Variants in PGBD2 observed in about 807,000 individuals in gnomAD.
The protein encoded by PGBD2 is piggyBac transposable element derived 2, also known as piggyBac transposable element-derived protein 2.
In PGBD2, 6 loss-of-function variants were observed where a neutral mutation model predicts 8.1. That is an observed-to-expected ratio of 0.74 (90% CI 0.40 to 1.46). PGBD2 has a LOEUF of 1.46. Among genes scored for constraint, PGBD2 ranks in the 40% most tolerant of loss-of-function variants. PGBD2 has a pLI of 0.02. For missense variants in PGBD2, 802 were observed against 739.0 expected, an observed-to-expected ratio of 1.09 and a Z score of -0.99; for synonymous variants, 318 against 272.2, an observed-to-expected ratio of 1.17 and a Z score of -1.66.
the PGBD2 span, among the ~76,000 whole-genome samples, chr1:248,896,643 TAGAG>T: frequency 6.6e-6 from 1 of 152,082 alleles, no homozygotes; most frequent in African/African-American, 2.4e-5. Context: ...AAAAAACTTT[TAGAG>T]GGAAGGGACA....
the PGBD2 span, among the ~76,000 whole-genome samples, chr1:248,928,888 G>A: frequency 6.6e-6 from 1 of 152,270 alleles, no homozygotes; most frequent in East Asian, 1.9e-4. Flanking sequence ...ATACAAAGAT[G>A]AGGCAAAGCC....
At chr1:248,905,520 G>A (rs1256425388), upstream of PGBD2, among the ~76,000 whole-genome samples, 1 of 152,146 alleles carries the variant, frequency 6.6e-6, no homozygotes, top group Non-Finnish European at 1.5e-5. Flanking sequence ...GCATTTAGTT[G>A]CTAGGGATGC....
intron 1 of PGBD2, among the ~76,000 whole-genome samples, chr1:248,910,949 C>T (rs1357397767): frequency 6.6e-6 from 1 of 152,074 alleles, no homozygotes; most frequent in Non-Finnish European, 1.5e-5. Context: ...CACCGTGAAA[C>T]CACCACCACA....
chr1:248,903,148 C>A (rs1661563470), upstream of PGBD2, among the ~76,000 whole-genome samples: 1 of 152,002 alleles, frequency 6.6e-6, no homozygotes, highest in Admixed American at 6.6e-5. Flanking sequence ...CAGACATGAA[C>A]CATTGCTCCT....
At chr1:248,894,078 C>A in the PGBD2 span, among the ~76,000 whole-genome samples, 2 of 152,188 alleles carry the variant, frequency 1.3e-5, no homozygotes, top group South Asian at 2.1e-4. Context: ...TACTCAGGTC[C>A]TTTGCTCATT....
At chr1:248,887,835 G>T in the PGBD2 span, among the ~76,000 whole-genome samples, 8 of 152,174 alleles carry the variant, frequency 5.3e-5, no homozygotes, top group East Asian at 1.2e-3. Flanking sequence ...CTGAGCTTTG[G>T]GCTTCTGTTG....
In PGBD2 at chr1:248,907,211, AC is replaced by A. The variant is rs368263500; in HGVS notation, c.-48+870del. ...TTATGTCATAAGTTCAAGTGGAGGT[AC>A]TATGCCTGGATGTGCACGTAGGCCA... is the stretch of plus-strand genomic sequence containing the variant. On this transcript the variant is annotated intron_variant, in intron 1 of 2. Coordinates refer to ENST00000329291, the MANE Select transcript of PGBD2 (RefSeq NM_170725.3). Among the ~76,000 whole-genome samples, 138 of 152,360 alleles carry A rather than the reference AC, an allele frequency of 9.1e-4. 1 individual carries two copies. The East Asian group carries it at 0.017, about 18-fold the overall frequency.
At chr1:248,873,616 G>A in the PGBD2 span, among the ~76,000 whole-genome samples, 1 of 152,224 alleles carries the variant, frequency 6.6e-6, no homozygotes, top group South Asian at 2.1e-4. Context: ...GCCAGGCGCT[G>A]GCACACGGTC....
the PGBD2 span, among the ~76,000 whole-genome samples, chr1:248,889,958 G>T: frequency 1.4e-5 from 2 of 138,070 alleles, no homozygotes; most frequent in African/African-American, 2.8e-5. Context: ...ACGGAGTTTC[G>T]CTCTTGTTGC....
At chr1:248,886,566 G>T in the PGBD2 span, among the ~76,000 whole-genome samples, 28 of 152,200 alleles carry the variant, frequency 1.8e-4, no homozygotes, top group South Asian at 5.8e-3. Flanking sequence ...AAAAGGTGGG[G>T]GTTGGGGAAT....
intron 1 of PGBD2, among the ~76,000 whole-genome samples, chr1:248,910,708 C>T (rs1661840784): frequency 6.6e-6 from 1 of 152,154 alleles, no homozygotes; most frequent in South Asian, 2.1e-4. Flanking sequence ...GAGCTGGAGC[C>T]CCACAGACAT....
At chr1:248,924,546 A>T (rs987817277), downstream of PGBD2, among the ~76,000 whole-genome samples, 11 of 152,258 alleles carry the variant, frequency 7.2e-5, no homozygotes, top group African/African-American at 2.2e-4. Context: ...TGACATTCAC[A>T]TATCAAAAGA....
the PGBD2 span, among the ~76,000 whole-genome samples, chr1:248,873,791 C>G: frequency 6.6e-6 from 1 of 152,202 alleles, no homozygotes; most frequent in South Asian, 2.1e-4. Context: ...TCGGGTGTGA[C>G]GCGGCAGGCT....
chr1:248,878,669 A>T, the PGBD2 span, among the ~76,000 whole-genome samples: 1 of 152,154 alleles, frequency 6.6e-6, no homozygotes, highest in Non-Finnish European at 1.5e-5. Flanking sequence ...CTGCACTGGG[A>T]TTATAAGGTA....
Position 248,917,771 on chromosome 1 carries a change from G to A in PGBD2, c.1187G>A (p.Gly396Asp). 1 of 1,614,170 alleles carries A rather than the reference G, an allele frequency of 6.2e-7. No individual in the cohort carries two copies. The highest frequency in any genetic ancestry group is 8.5e-7 in the Non-Finnish European group (1 of 1,180,022). The change falls in exon 3 of 3, where the codon GGT (glycine) becomes GAT (aspartate). Residue 396 changes from glycine (G) to aspartate (D), a missense_variant. Transcript: ENST00000329291. ...DPKELKKMKRGSFDYKVDESE... is the reference protein window; with the variant it reads ...DPKELKKMKRDSFDYKVDESE... ...AAAGAACTGAAAAAAATGAAGAGGG[G>A]TTCATTTGATTACAAAGTCGATGAG...
At chr1:248,873,783 G>T in the PGBD2 span, among the ~76,000 whole-genome samples, 2 of 152,198 alleles carry the variant, frequency 1.3e-5, no homozygotes, top group South Asian at 4.1e-4. Flanking sequence ...GCCGCAACTC[G>T]GGTGTGACGC....
chr1:248,920,079 G>C (rs1206961295), downstream of PGBD2: 1 of 151,812 alleles, frequency 6.6e-6, no homozygotes, highest in East Asian at 1.9e-4. Flanking sequence ...GTTTCACCAT[G>C]TTGGCCAGGC....
chr1:248,907,021 G>A (rs1212917051), intron 1 of PGBD2, among the ~76,000 whole-genome samples: 1 of 152,072 alleles, frequency 6.6e-6, no homozygotes, highest in African/African-American at 2.4e-5. Context: ...AAACCACAGT[G>A]GGCCCAGGGG....
rs1405897967 is a variant in PGBD2, at chr1:248,918,220, C to T, written c.1636C>T (p.Arg546Cys). The T allele has an allele frequency of 7.4e-6, 12 of 1,614,108 alleles. No homozygotes were observed. Among genetic ancestry groups the T allele is most frequent in the Middle Eastern group, 1.6e-4 (1 of 6,062 alleles). ...AAGCAGGCGGTTGGAGACTGAGAGCCGCTTCGATATGATTGGGCACTGGAT... is the reference window on the plus strand; with the variant it reads ...AAGCAGGCGGTTGGAGACTGAGAGCTGCTTCGATATGATTGGGCACTGGAT... ...RRSRRLETES[R>C]FDMIGHWIIH... The change falls in exon 3 of 3, where the codon CGC becomes TGC. Residue 546 changes from arginine (R) to cysteine (C), a missense_variant. Physicochemically the swap from Arg to Cys is radical, Grantham distance 180 (BLOSUM62 -3). Coordinates refer to ENST00000329291, the MANE Select transcript of PGBD2 (RefSeq NM_170725.3).
Sources: allele counts gnomAD v4.1 joint callset (sites outside exome capture counted in the v4.1 genomes callset), GRCh38; gene constraint gnomAD v4.1.1; transcripts MANE v1.5; gene names NCBI Gene and HGNC (gene_info 2026-07-23, HGNC 2026-07-21).